Variants in PDE8B observed in about 807,000 individuals in gnomAD.
PDE8B encodes the protein high affinity cAMP-specific and IBMX-insensitive 3',5'-cyclic phosphodiesterase 8B.
In PDE8B, 26 loss-of-function variants were observed where a neutral mutation model predicts 101.3. That is an observed-to-expected ratio of 0.26 (90% CI 0.19 to 0.36). The LOEUF is 0.36. Ranked by LOEUF, PDE8B falls within the 10% of genes least tolerant of loss-of-function variation. The probability of loss-of-function intolerance (pLI) is 1.00; values close to 1 mark genes in which losing one functional copy is unlikely to be tolerated. For synonymous variants in PDE8B, 424 were observed against 429.3 expected (o/e 0.99, Z 0.15); for missense variants, 810 against 1,163.1 (o/e 0.70, Z 4.42).
At chr5:77,339,205 A>T (rs1778741418) in intron 6 of PDE8B, among the ~76,000 whole-genome samples, 1 of 152,076 alleles carries the variant, frequency 6.6e-6, no homozygotes, top group Non-Finnish European at 1.5e-5. Context: ...TATACTTCTG[A>T]CCCCTCACTT....
At chr5:77,222,599 G>A (rs560412267) in intron 1 of PDE8B, among the ~76,000 whole-genome samples, 2 of 152,284 alleles carry the variant, frequency 1.3e-5, no homozygotes, top group African/African-American at 4.8e-5. Flanking sequence ...AACAGAATAT[G>A]ACATAGTTCC....
intron 1 of PDE8B, among the ~76,000 whole-genome samples, chr5:77,279,565 T>C (rs1157545378): frequency 6.6e-6 from 1 of 152,230 alleles, no homozygotes; most frequent in African/African-American, 2.4e-5. Context: ...TCAGGTTATA[T>C]GCTGTGTGTC....
intron 5 of PDE8B, among the ~76,000 whole-genome samples, chr5:77,335,105 A>G (rs1407367066): frequency 1.3e-5 from 2 of 152,220 alleles, no homozygotes; most frequent in African/African-American, 4.8e-5. Flanking sequence ...AATTAAAATT[A>G]TTTATGCCAC....
chr5:77,220,955 A>G (rs1191070800), intron 1 of PDE8B, among the ~76,000 whole-genome samples: 2 of 152,220 alleles, frequency 1.3e-5, no homozygotes, highest in Non-Finnish European at 2.9e-5. Flanking sequence ...ACTCAGAGCT[A>G]CATCTGCTCA....
chr5:77,238,798 A>C (rs1316031718), intron 1 of PDE8B, among the ~76,000 whole-genome samples: 1 of 152,220 alleles, frequency 6.6e-6, no homozygotes, highest in East Asian at 1.9e-4. Flanking sequence ...CAAAGGCCAG[A>C]GAACCAGGAG....
At chr5:77,232,184 A>G (rs1369942942) in intron 1 of PDE8B, among the ~76,000 whole-genome samples, 1 of 152,262 alleles carries the variant, frequency 6.6e-6, no homozygotes, top group African/African-American at 2.4e-5. Flanking sequence ...TCCATTTTTC[A>G]TATTTAAAAA....
At chr5:77,391,373 A>T (rs1228673048) in intron 10 of PDE8B, among the ~76,000 whole-genome samples, 1 of 152,168 alleles carries the variant, frequency 6.6e-6, no homozygotes, top group Non-Finnish European at 1.5e-5. Context: ...CTGACGGCAG[A>T]TGCTGCTGCA....
At chr5:77,209,272 A>G (rs1027124857), upstream of PDE8B, among the ~76,000 whole-genome samples, 2 of 152,138 alleles carry the variant, frequency 1.3e-5, no homozygotes, top group African/African-American at 4.8e-5. Flanking sequence ...ATTGGGAATG[A>G]TATCTTGCTT....
rs775097972 is a variant in PDE8B, at chr5:77,211,094, C to G, written c.169C>G (p.Arg57Gly). Residue 57 changes from arginine (R) to glycine (G), a missense_variant, in exon 1 of 22, where the codon CGC becomes GGC. Physicochemically the swap from Arg to Gly is moderately radical, Grantham distance 125. Coordinates refer to ENST00000264917, the MANE Select transcript of PDE8B (RefSeq NM_003719.5). This position sits in a 1 kb window ranked among gnomAD's most constrained non-coding sequence, Gnocchi z 4.1. ...CGCCGCCGACGCCATCCCCCCGAGC[C>G]GCGCGTCGGGACCCCCCAGCGTAGC... is the stretch of plus-strand genomic sequence containing the variant. ...TDAADAIPPS[R>G]ASGPPSVARV... The G allele has an allele frequency of 2.9e-5, 43 of 1,493,100 alleles. No homozygotes were observed. Among genetic ancestry groups the G allele is most frequent in the Non-Finnish European group, 3.3e-5 (37 of 1,128,122 alleles). The allele number at this position is 1,493,100 out of a possible 1,614,324, so 92.5% of individuals were successfully genotyped here.
intron 10 of PDE8B, among the ~76,000 whole-genome samples, chr5:77,372,090 C>G (rs1314655435): frequency 3.3e-5 from 5 of 152,146 alleles, no homozygotes; most frequent in African/African-American, 9.7e-5. Flanking sequence ...AATCCAGCTA[C>G]TCAGGAGGCT....
chr5:77,255,227 C>T (rs1758857786), intron 1 of PDE8B, among the ~76,000 whole-genome samples: 1 of 152,212 alleles, frequency 6.6e-6, no homozygotes, highest in Non-Finnish European at 1.5e-5. Context: ...GCTCTGCTGC[C>T]TGACTCTCTT....
At chr5:77,123,300 A>T in the PDE8B span, among the ~76,000 whole-genome samples, 2 of 152,006 alleles carry the variant, frequency 1.3e-5, no homozygotes, top group Non-Finnish European at 2.9e-5. Context: ...TCGTGACTTT[A>T]TCTCATTCTA....
chr5:77,345,170 A>G (rs1209604512), intron 7 of PDE8B, among the ~76,000 whole-genome samples: 1 of 152,202 alleles, frequency 6.6e-6, no homozygotes, highest in Non-Finnish European at 1.5e-5. Context: ...TGGGGTTTAA[A>G]AAAATTTTAT....
intron 5 of PDE8B, 105 bp downstream of exon 5, chr5:77,331,564 A>G: frequency 1.1e-6 from 1 of 902,474 alleles, no homozygotes; most frequent in South Asian, 1.3e-5. Context: ...TAAGGAAATT[A>G]AGCCCCAGGA....
At chr5:77,255,665 C>A (rs1019654188) in intron 1 of PDE8B, among the ~76,000 whole-genome samples, 1 of 152,210 alleles carries the variant, frequency 6.6e-6, no homozygotes, top group Non-Finnish European at 1.5e-5. Context: ...GAGGCAGCAA[C>A]CTGGCTGCAT....
chr5:77,194,910 A>C, the PDE8B span, among the ~76,000 whole-genome samples: 1 of 152,170 alleles, frequency 6.6e-6, no homozygotes, highest in Non-Finnish European at 1.5e-5. Context: ...ATTTAAGTAC[A>C]AGTTATTGTT....
the PDE8B span, among the ~76,000 whole-genome samples, chr5:77,126,653 G>A: frequency 2.6e-5 from 4 of 152,088 alleles, no homozygotes; most frequent in Admixed American, 1.3e-4. Flanking sequence ...TCCTGAGCTC[G>A]AGCAATCCTA....
chr5:77,291,204 A>G (rs1767248064), intron 1 of PDE8B: 5 of 1,610,694 alleles, frequency 3.1e-6, no homozygotes, highest in Admixed American at 1.7e-5. Context: ...TGTACATGAA[A>G]GCATCCATCA....
chr5:77,172,636 T>G, the PDE8B span, among the ~76,000 whole-genome samples: 1 of 152,186 alleles, frequency 6.6e-6, no homozygotes, highest in African/African-American at 2.4e-5. Flanking sequence ...ATTTATTGAG[T>G]GCTGATTTTG....
Sources: allele counts gnomAD v4.1 joint callset (sites outside exome capture counted in the v4.1 genomes callset), GRCh38; gene constraint gnomAD v4.1.1; non-coding constraint Gnocchi (gnomAD v3.1); transcripts MANE v1.5; gene names NCBI Gene and HGNC (gene_info 2026-07-23, HGNC 2026-07-21).